The following PTPRQ variants were observed in gnomAD, a reference collection of about 807,000 sequenced individuals.
PTPRQ encodes the protein phosphatidylinositol phosphatase PTPRQ.
In PTPRQ, 199 loss-of-function variants were observed where a neutral mutation model predicts 246.0. The observed-to-expected ratio is 0.81, with a 90% CI of 0.72 to 0.91. The LOEUF (loss-of-function observed/expected upper bound fraction) is 0.91, where lower values mean the gene tolerates loss of function less well. Ranked by LOEUF, PTPRQ falls within the 40% of genes least tolerant of loss-of-function variation. The pLI is 0.00. For missense variants in PTPRQ, 2,624 were observed against 2,528.4 expected, an observed-to-expected ratio of 1.04 and a Z score of -0.81; for synonymous variants, 869 against 853.2, an observed-to-expected ratio of 1.02 and a Z score of -0.32.
At chr12:80,482,656 A>G (rs2120599470) in intron 8 of PTPRQ, among the ~76,000 whole-genome samples, 1 of 151,500 alleles carries the variant, frequency 6.6e-6, no homozygotes, top group African/African-American at 2.4e-5. Context: ...CAGAATCTGC[A>G]ATGAACTCAA....
At chr12:80,503,560 A>G (rs1331518423) in intron 14 of PTPRQ, among the ~76,000 whole-genome samples, 1 of 151,854 alleles carries the variant, frequency 6.6e-6, no homozygotes, top group Non-Finnish European at 1.5e-5. Flanking sequence ...CATTCAATTT[A>G]GAATACTAAT....
chr12:80,648,834 A>G (rs915978237), intron 35 of PTPRQ, 63 bp from the exon 36 acceptor site: 5 of 1,450,142 alleles, frequency 3.4e-6, no homozygotes, highest in Non-Finnish European at 4.6e-6. Flanking sequence ...TTTAATCTAC[A>G]CTTCTTTCAG....
At chr12:80,663,746 A>C (rs1900702609) in intron 39 of PTPRQ, among the ~76,000 whole-genome samples, 1 of 151,602 alleles carries the variant, frequency 6.6e-6, no homozygotes, top group South Asian at 2.1e-4. Context: ...TGACCTCATC[A>C]CTTTCTGCCA....
chr12:80,635,965 G>A (rs2121180452), intron 35 of PTPRQ, among the ~76,000 whole-genome samples: 1 of 152,260 alleles, frequency 6.6e-6, no homozygotes, highest in East Asian at 1.9e-4. Flanking sequence ...ATTTGTAGTT[G>A]TCACTTGTTA....
chr12:80,559,287 G>A (rs560330869), intron 25 of PTPRQ, among the ~76,000 whole-genome samples: 22 of 152,208 alleles, frequency 1.4e-4, no homozygotes, highest in African/African-American at 5.3e-4. Context: ...TTCGTGATCC[G>A]CCCACCTCGG....
rs1254618896 is a variant in PTPRQ, at chr12:80,479,795, G to A, written c.1187-4638G>A. Among the ~76,000 whole-genome samples, 21 of 152,042 alleles carry A rather than the reference G, an allele frequency of 1.4e-4. 1 individual carries two copies. Among genetic ancestry groups the A allele is most frequent in the African/African-American group, 2.4e-5 (1 of 41,352 alleles). On this transcript the variant is annotated intron_variant, in intron 8 of 44. Transcript: ENST00000644991. The stretch of plus-strand genomic sequence containing the variant: ...GAGACAAAGAAGGCCATTACATAAT[G>A]GTAAAGGGATCAATTCAACAAGAAG...
chr12:80,545,585 AT>A (rs1021873162), intron 23 of PTPRQ, among the ~76,000 whole-genome samples: 19 of 151,668 alleles, frequency 1.3e-4, no homozygotes, highest in African/African-American at 3.9e-4. Context: ...CTTAATGATA[AT>A]TTTTTTCTAT....
chr12:80,557,094 T>A (rs1896667459), intron 25 of PTPRQ, among the ~76,000 whole-genome samples: 1 of 152,152 alleles, frequency 6.6e-6, no homozygotes, highest in Non-Finnish European at 1.5e-5. Flanking sequence ...CAGAAATCTC[T>A]TTAGATGGAG....
rs371310873 is a variant in PTPRQ at position 80,612,341 on chromosome 12, G to T, written c.4919-1251G>T. Among the ~76,000 whole-genome samples the T allele has an allele frequency of 2.7e-5, 4 of 150,096 alleles. No individual in the cohort carries two copies. The East Asian group carries it at 5.9e-4, about 22-fold the overall frequency. On this transcript the variant is annotated intron_variant, in intron 28 of 44. Transcript: ENST00000644991. ...TTAAAAAAATCCAATTAGAAAATTG[G>T]CAGAAGACATGAACAGACATTTCAC...
intron 38 of PTPRQ, among the ~76,000 whole-genome samples, chr12:80,657,309 T>G (rs1322455409): frequency 6.6e-6 from 1 of 151,836 alleles, no homozygotes; most frequent in Non-Finnish European, 1.5e-5. Flanking sequence ...CAATTTGTAT[T>G]TGTACAAAGA....
intron 9 of PTPRQ, among the ~76,000 whole-genome samples, chr12:80,485,651 T>G (rs1894248348): frequency 6.6e-6 from 1 of 152,172 alleles, no homozygotes; most frequent in South Asian, 2.1e-4. Context: ...AATCCTATGT[T>G]GATTCCTTTC....
At chr12:80,660,170 A>G (rs1900581933) in intron 39 of PTPRQ, among the ~76,000 whole-genome samples, 1 of 152,044 alleles carries the variant, frequency 6.6e-6, no homozygotes, top group Non-Finnish European at 1.5e-5. Flanking sequence ...TTTGGAAGCT[A>G]TGGCAAAGGG....
chr12:80,673,068 AACT>A, intron 42 of PTPRQ, 98 bp from the exon 43 acceptor site: 1 of 1,440,086 alleles, frequency 6.9e-7, no homozygotes, highest in Non-Finnish European at 9.2e-7. Flanking sequence ...TAAGAGAAGA[AACT>A]ATTAGAATTT....
At position 80,496,387 on chromosome 12, in the gene PTPRQ, T is replaced by C. The variant is rs1894623274; in HGVS notation, c.2128T>C (p.Tyr710His). The change falls in exon 14 of 45, where the codon TAT becomes CAT. Residue 710 changes from tyrosine (Y) to histidine (H), a missense_variant. Physicochemically the swap from Tyr to His is moderately conservative, Grantham distance 83. Coordinates refer to ENST00000644991, the MANE Select transcript of PTPRQ (RefSeq NM_001145026.2). ...GCTATATAAAAATATAGATACTTTATATATGAAGAACACATCAACAACAGA... is the reference window on the plus strand; with the variant it reads ...GCTATATAAAAATATAGATACTTTACATATGAAGAACACATCAACAACAGA... ...EVLYKNIDTL[Y>H]MKNTSTTDII... The C allele has an allele frequency of 2.6e-6, 4 of 1,550,612 alleles. No individual in the cohort carries two copies. The highest frequency in any genetic ancestry group is 3.5e-6 in the Non-Finnish European group (4 of 1,146,306).
intron 33 of PTPRQ, among the ~76,000 whole-genome samples, chr12:80,623,036 A>G (rs2121140536): frequency 6.6e-6 from 1 of 152,228 alleles, no homozygotes; most frequent in South Asian, 2.1e-4. Flanking sequence ...TATTCGTCTT[A>G]AAGAATTGCA....
chr12:80,519,570 GAAAGGGTTAGCT>G (rs1288454463), intron 17 of PTPRQ, among the ~76,000 whole-genome samples: 1 of 152,148 alleles, frequency 6.6e-6, no homozygotes, highest in Admixed American at 6.6e-5. Flanking sequence ...GCTTTATGCG[GAAAGGGTTAGCT>G]AAACATACAT....
chr12:80,533,287 A>G (rs945730535), intron 17 of PTPRQ, among the ~76,000 whole-genome samples: 4 of 151,930 alleles, frequency 2.6e-5, no homozygotes, highest in African/African-American at 9.7e-5. Flanking sequence ...AAATAGTGTT[A>G]TATTTTGTTC....
At chr12:80,528,887 C>T (rs1255194887) in intron 17 of PTPRQ, among the ~76,000 whole-genome samples, 3 of 152,062 alleles carry the variant, frequency 2.0e-5, no homozygotes, top group Non-Finnish European at 4.4e-5. Flanking sequence ...GTGGCTTTGT[C>T]CTTTAATCTT....
At chr12:80,658,202 T>C in intron 39 of PTPRQ, 141 bp downstream of exon 39, 1 of 486,242 alleles carries the variant, frequency 2.1e-6, no homozygotes. Context: ...CCACATTGTG[T>C]ACCCTTATTT....
Sources: gnomAD v4.1 joint callset for allele counts (sites outside exome capture counted in the v4.1 genomes callset) on GRCh38, gnomAD v4.1.1 for gene constraint, MANE v1.5 for transcripts, NCBI Gene and HGNC (gene_info 2026-07-23, HGNC 2026-07-21) for gene names.